GOLM2: variants seen among roughly 807,000 people sequenced by gnomAD.
GOLM2 encodes golgi membrane protein 2, also known as protein GOLM2.
Under a neutral mutation model 55.9 loss-of-function variants are expected in GOLM2, and 26 were observed. The ratio of observed to expected loss-of-function variants is 0.47; its 90% CI spans 0.34 to 0.65. GOLM2 has a LOEUF of 0.65. GOLM2 is among the 30% of genes least tolerant of loss of function. The pLI is 0.01. For synonymous variants in GOLM2, 165 were observed against 194.6 expected, an observed-to-expected ratio of 0.85 and a Z score of 1.27; for missense variants, 486 against 531.8, an observed-to-expected ratio of 0.91 and a Z score of 0.85.
At chr15:44,344,985 T>G (rs978285165) in intron 6 of GOLM2, among the ~76,000 whole-genome samples, 38 of 151,280 alleles carry the variant, frequency 2.5e-4, no homozygotes, top group Non-Finnish European at 4.3e-4. Flanking sequence ...TTTTTCTTTT[T>G]TTTTTTTAAT....
intron 9 of GOLM2, chr15:44,406,986 G>A (rs1460156815): frequency 1.3e-5 from 2 of 150,904 alleles, no homozygotes; most frequent in African/African-American, 4.8e-5. Flanking sequence ...TACTTGTAGA[G>A]TGTTTTGTAG....
intron 9 of GOLM2, among the ~76,000 whole-genome samples, chr15:44,411,691 C>T (rs1214894226): frequency 2.0e-5 from 3 of 151,734 alleles, no homozygotes; most frequent in South Asian, 2.1e-4. Flanking sequence ...TAGCTGGGTG[C>T]GGTGGCAAGC....
chr15:44,297,537 A>G (rs2078764650), intron 1 of GOLM2, among the ~76,000 whole-genome samples: 1 of 148,006 alleles, frequency 6.8e-6, no homozygotes, highest in East Asian at 2.0e-4. Context: ...TCTTTTCTGT[A>G]TATTTATTAT....
intron 1 of GOLM2, among the ~76,000 whole-genome samples, chr15:44,315,518 A>C (rs1019158018): frequency 1.3e-5 from 2 of 152,228 alleles, no homozygotes; most frequent in African/African-American, 4.8e-5. Flanking sequence ...TGGTAGAAAA[A>C]TAAAAATGAA....
At position 44,322,976 on chromosome 15, in the gene GOLM2, G is replaced by C. The variant is rs146372844; in HGVS notation, c.339G>C (p.Gln113His). Residue 113 changes from glutamine to histidine, a missense_variant, in exon 2 of 10, where the codon CAG becomes CAC. Physicochemically the swap from Gln to His is conservative, Grantham distance 24. Transcript: ENST00000299957. Reference sequence around the variant, plus strand: ...TAATTTTTTTTCAGGTTAAACTACAGAACAACATATCGTATCAGATGGCAG... The same window carrying C: ...TAATTTTTTTTCAGGTTAAACTACACAACAACATATCGTATCAGATGGCAG... The part of the protein sequence containing the change: ...KRCEDDKVKL[Q>H]NNISYQMADI... 4.1e-4 allele frequency: 647 copies of C among 1,573,812 alleles called. 5 individuals are homozygous for C. The Admixed American group carries it at 9.1e-3, about 22-fold the overall frequency.
chr15:44,411,935 G>A (rs930747258), intron 9 of GOLM2, among the ~76,000 whole-genome samples: 2 of 152,140 alleles, frequency 1.3e-5, no homozygotes, highest in Non-Finnish European at 2.9e-5. Flanking sequence ...TCTTGGCTGA[G>A]GCCGGTGGAT....
At chr15:44,372,346 T>TA (rs1190119824) in intron 6 of GOLM2, among the ~76,000 whole-genome samples, 1 of 152,202 alleles carries the variant, frequency 6.6e-6, no homozygotes, top group African/African-American at 2.4e-5. Context: ...GAAGTCCTGT[T>TA]AGTCAGGAAA....
At chr15:44,367,182 C>G (rs1428906385) in intron 6 of GOLM2, among the ~76,000 whole-genome samples, 1 of 150,194 alleles carries the variant, frequency 6.7e-6, no homozygotes. Flanking sequence ...TGAGTAAGGC[C>G]CACAGCCTGA....
chr15:44,376,378 A>G lies in GOLM2; in HGVS notation c.803-3312A>G, dbSNP rs551558136. 2.0e-5 allele frequency among the ~76,000 whole-genome samples: 3 copies of G among 152,254 alleles called. No individual in the cohort carries two copies. The East Asian group carries it at 5.8e-4, about 29-fold the overall frequency. On this transcript the variant is annotated intron_variant, in intron 6 of 9. Coordinates refer to ENST00000299957, the MANE Select transcript of GOLM2 (RefSeq NM_138423.4). ...CCTCCTGGGCTCAAGTGATCCTCCC[A>G]TCTCAGCCTCCTGAGTAGCTGGATT...
chr15:44,413,314 T>TA, intron 9 of GOLM2, 22 bp from the exon 10 acceptor site: 1 of 1,562,068 alleles, frequency 6.4e-7, no homozygotes, highest in East Asian at 2.2e-5. Context: ...AATATGTTGA[T>TA]ACAAAATTAT....
At chr15:44,344,817 G>A (rs1411556952) in intron 6 of GOLM2, among the ~76,000 whole-genome samples, 2 of 144,952 alleles carry the variant, frequency 1.4e-5, no homozygotes, top group South Asian at 2.2e-4. Flanking sequence ...TCGTTCTGTC[G>A]CCCAGGCTGG....
rs948476518 is a variant in GOLM2 at position 44,326,002 on chromosome 15, G to A, written c.383-2683G>A. Among the ~76,000 whole-genome samples, 88 of 152,068 alleles carry A rather than the reference G, an allele frequency of 5.8e-4. 1 individual carries two copies. Among genetic ancestry groups the A allele is most frequent in the Non-Finnish European group, 1.3e-4 (9 of 67,988 alleles). On this transcript the variant is annotated intron_variant, in intron 2 of 9. Coordinates refer to ENST00000299957, the MANE Select transcript of GOLM2 (RefSeq NM_138423.4). ...AATTTGGCTGGGCACGGTGGCTCAC[G>A]CTTGTAATCCCAGCACTTTGGGAGG...
chr15:44,290,254 C>G (rs577032756), intron 1 of GOLM2, among the ~76,000 whole-genome samples: 1 of 152,292 alleles, frequency 6.6e-6, no homozygotes, highest in Admixed American at 6.5e-5. Context: ...TATGACTTAG[C>G]AACTTCTGTA....
intron 4 of GOLM2, among the ~76,000 whole-genome samples, chr15:44,333,688 A>G (rs2079037929): frequency 1.3e-5 from 2 of 152,140 alleles, no homozygotes; most frequent in South Asian, 4.1e-4. Context: ...AGCGTAGTAT[A>G]TAAATAATGG....
chr15:44,290,388 C>A (rs1238168861), intron 1 of GOLM2, among the ~76,000 whole-genome samples: 1 of 152,172 alleles, frequency 6.6e-6, no homozygotes, highest in African/African-American at 2.4e-5. Context: ...CTTTGCATAT[C>A]AAAATCACTT....
chr15:44,393,580 CTA>C (rs1456985520), intron 8 of GOLM2, among the ~76,000 whole-genome samples: 4 of 152,150 alleles, frequency 2.6e-5, no homozygotes, highest in Admixed American at 1.3e-4. Flanking sequence ...AAGACTTCCA[CTA>C]TCAGATATGA....
At chr15:44,339,696 G>A (rs1025003551) in intron 6 of GOLM2, among the ~76,000 whole-genome samples, 5 of 152,116 alleles carry the variant, frequency 3.3e-5, no homozygotes, top group Admixed American at 6.6e-5. Context: ...GTGCAGTGGT[G>A]CAGTCATGGC....
At chr15:44,294,962 G>A (rs1406701933) in intron 1 of GOLM2, among the ~76,000 whole-genome samples, 1 of 151,650 alleles carries the variant, frequency 6.6e-6, no homozygotes, top group Non-Finnish European at 1.5e-5. Flanking sequence ...GGTTATCTTT[G>A]GAAATCAAGG....
intron 2 of GOLM2, among the ~76,000 whole-genome samples, 161 bp downstream of exon 2, chr15:44,323,180 T>A (rs1235735369): frequency 6.6e-6 from 1 of 152,174 alleles, no homozygotes. Context: ...TATAATAAAT[T>A]ATTTAATGAT....
Sources: gnomAD v4.1 joint callset for allele counts (sites outside exome capture counted in the v4.1 genomes callset) on GRCh38, gnomAD v4.1.1 for gene constraint, MANE v1.5 for transcripts, NCBI Gene and HGNC (gene_info 2026-07-23, HGNC 2026-07-21) for gene names.